The following KCNIP4 variants were observed in gnomAD, a reference collection of about 807,000 sequenced individuals.
The protein encoded by KCNIP4 is potassium voltage-gated channel interacting protein 4.
A neutral mutation model predicts 34.0 loss-of-function variants in KCNIP4; 12 were observed. That is an observed-to-expected ratio of 0.35 (90% CI 0.23 to 0.57). The LOEUF is 0.57. KCNIP4 is among the 20% of genes least tolerant of loss of function. The probability of loss-of-function intolerance (pLI) is 0.83; values close to 1 mark genes in which losing one functional copy is unlikely to be tolerated. For synonymous variants in KCNIP4, 124 were observed against 102.2 expected, an observed-to-expected ratio of 1.21 and a Z score of -1.29; for missense variants, 238 against 311.7, an observed-to-expected ratio of 0.76 and a Z score of 1.78.
intron 1 of KCNIP4, among the ~76,000 whole-genome samples, chr4:21,684,653 G>A (rs1750671874): frequency 6.6e-6 from 1 of 151,808 alleles, no homozygotes; most frequent in Non-Finnish European, 1.5e-5. Context: ...CTTATTTTTG[G>A]TGAAAAAAAC....
At chr4:20,829,061 G>A (rs1419224125) in intron 3 of KCNIP4, among the ~76,000 whole-genome samples, 3 of 152,140 alleles carry the variant, frequency 2.0e-5, no homozygotes, top group Non-Finnish European at 2.9e-5. Flanking sequence ...GAGAAGATAC[G>A]CTATAAACCG....
At chr4:21,179,179 T>G (rs1456413266) in intron 1 of KCNIP4, among the ~76,000 whole-genome samples, 1 of 152,206 alleles carries the variant, frequency 6.6e-6, no homozygotes, top group African/African-American at 2.4e-5. Context: ...TTGGACCCCA[T>G]ATTCTAAGAC....
At chr4:21,175,120 T>C (rs1474565589) in intron 1 of KCNIP4, among the ~76,000 whole-genome samples, 1 of 132,954 alleles carries the variant, frequency 7.5e-6, no homozygotes, top group African/African-American at 2.9e-5. Context: ...TGGCTTCTTT[T>C]TTCTTAGATA....
intron 1 of KCNIP4, among the ~76,000 whole-genome samples, chr4:21,833,596 T>G (rs987525351): frequency 6.6e-6 from 1 of 152,214 alleles, no homozygotes; most frequent in African/African-American, 2.4e-5. Flanking sequence ...TTTAGTTTAA[T>G]TAGATCCCAT....
intron 1 of KCNIP4, among the ~76,000 whole-genome samples, chr4:21,466,876 T>C (rs2109792093): frequency 6.6e-6 from 1 of 152,200 alleles, no homozygotes; most frequent in Non-Finnish European, 1.5e-5. Flanking sequence ...GAAGCAAATC[T>C]ATCTAATCCT....
chr4:21,040,781 T>G (rs1181385303), intron 1 of KCNIP4, among the ~76,000 whole-genome samples: 1 of 151,834 alleles, frequency 6.6e-6, no homozygotes, highest in African/African-American at 2.4e-5. Flanking sequence ...CACAAAAACA[T>G]GATGAAAAGT....
chr4:21,551,585 A>G (rs1170698533), intron 1 of KCNIP4, among the ~76,000 whole-genome samples: 1 of 152,116 alleles, frequency 6.6e-6, no homozygotes, highest in Admixed American at 6.6e-5. Context: ...TCTCCTTCCA[A>G]TGGAAAGAAT....
chr4:21,435,933 C>G (rs1269677990), intron 1 of KCNIP4, among the ~76,000 whole-genome samples: 1 of 152,090 alleles, frequency 6.6e-6, no homozygotes, highest in Non-Finnish European at 1.5e-5. Flanking sequence ...TTGGATAGAA[C>G]AGATTCGAGA....
chr4:21,703,815 G>A (rs917281057), intron 1 of KCNIP4, among the ~76,000 whole-genome samples: 2 of 152,038 alleles, frequency 1.3e-5, no homozygotes, highest in African/African-American at 2.4e-5. Context: ...AAGACTTTTC[G>A]ATCATAGACA....
chr4:21,298,825 A>T (rs1763992542), intron 1 of KCNIP4, among the ~76,000 whole-genome samples: 1 of 152,192 alleles, frequency 6.6e-6, no homozygotes, highest in African/African-American at 2.4e-5. Flanking sequence ...AGAGTATTTC[A>T]TGCATAGAAT....
intron 1 of KCNIP4, among the ~76,000 whole-genome samples, chr4:21,693,389 C>T (rs370790300): frequency 3.9e-5 from 6 of 152,160 alleles, no homozygotes; most frequent in African/African-American, 7.2e-5. Context: ...GGCGAAACCT[C>T]GTCTCTAGTA....
At chr4:21,819,632 T>C (rs1037619920) in intron 1 of KCNIP4, among the ~76,000 whole-genome samples, 6 of 152,202 alleles carry the variant, frequency 3.9e-5, no homozygotes, top group African/African-American at 1.4e-4. Context: ...CTCAGATAAT[T>C]AATTTTGTTG....
chr4:21,015,636 ATAATATAATATAGTATATTGTAT>A (rs1739448513), intron 1 of KCNIP4, among the ~76,000 whole-genome samples: 1 of 118,502 alleles, frequency 8.4e-6, no homozygotes, highest in Non-Finnish European at 1.6e-5. Context: ...TTGTATTAAT[ATAATATAATATAGTATATTGTAT>A]TAATATAATA....
chr4:21,286,515 G>A (rs1049424857), intron 1 of KCNIP4, among the ~76,000 whole-genome samples: 4 of 152,196 alleles, frequency 2.6e-5, no homozygotes, highest in Admixed American at 1.3e-4. Context: ...GAATCCTTCA[G>A]AGAGTGAGGC....
At chr4:21,271,572 CA>C (rs200693858) in intron 1 of KCNIP4, among the ~76,000 whole-genome samples, 2 of 151,346 alleles carry the variant, frequency 1.3e-5, no homozygotes, top group Non-Finnish European at 2.9e-5. Context: ...TGATGGGGTC[CA>C]AAAAAAAGAG....
chr4:20,829,214 ATT>A (rs11327516), intron 3 of KCNIP4, among the ~76,000 whole-genome samples: 5 of 149,350 alleles, frequency 3.3e-5, no homozygotes, highest in South Asian at 2.1e-4. Flanking sequence ...TTTTTATTTT[ATT>A]TTTTTTTTTG....
At chr4:21,680,043 C>T (rs1750219259) in intron 1 of KCNIP4, among the ~76,000 whole-genome samples, 1 of 152,204 alleles carries the variant, frequency 6.6e-6, no homozygotes, top group East Asian at 1.9e-4. Flanking sequence ...TTGATTGACT[C>T]TTTCATCAAG....
chr4:21,007,545 C>T (rs115759074), intron 1 of KCNIP4, among the ~76,000 whole-genome samples: 110 of 152,222 alleles, frequency 7.2e-4, no homozygotes, highest in Non-Finnish European at 1.2e-3. Context: ...CTCTACTCTG[C>T]CCCCGACCCA....
chr4:20,971,105 A>G (rs965434795), intron 1 of KCNIP4, among the ~76,000 whole-genome samples: 4 of 152,226 alleles, frequency 2.6e-5, no homozygotes, highest in Non-Finnish European at 5.9e-5. Context: ...AGGAGCATTC[A>G]TACTTCAAAG....
Sources: allele counts gnomAD v4.1 joint callset (sites outside exome capture counted in the v4.1 genomes callset), GRCh38; gene constraint gnomAD v4.1.1; transcripts MANE v1.5; gene names NCBI Gene and HGNC (gene_info 2026-07-23, HGNC 2026-07-21).